Variants in SGCZ observed in about 807,000 individuals in gnomAD.
The protein encoded by SGCZ is sarcoglycan zeta, also known as zeta-sarcoglycan.
In SGCZ, 40 loss-of-function variants were observed where a neutral mutation model predicts 41.3. That is an observed-to-expected ratio of 0.97 (90% CI 0.75 to 1.26). The LOEUF (loss-of-function observed/expected upper bound fraction) is 1.26. Among genes scored for constraint, SGCZ ranks in the 50% most tolerant of loss-of-function variants. The probability of loss-of-function intolerance (pLI) is 0.00; values close to 1 mark genes in which losing one functional copy is unlikely to be tolerated. For missense variants in SGCZ, 552 were observed against 369.8 expected (o/e 1.49, Z -4.04); for synonymous variants, 206 against 137.5 (o/e 1.50, Z -3.49).
intron 3 of SGCZ, among the ~76,000 whole-genome samples, chr8:14,292,624 G>C (rs1204098015): frequency 6.6e-6 from 1 of 151,956 alleles, no homozygotes; most frequent in Admixed American, 6.6e-5. Flanking sequence ...AATATGGCCT[G>C]GTAATGTAGC....
At chr8:14,374,719 T>C (rs1451253077) in intron 2 of SGCZ, among the ~76,000 whole-genome samples, 1 of 152,076 alleles carries the variant, frequency 6.6e-6, no homozygotes, top group Non-Finnish European at 1.5e-5. Flanking sequence ...AGTCAGATAA[T>C]TGGTCTTTTT....
intron 5 of SGCZ, among the ~76,000 whole-genome samples, chr8:14,144,493 G>C (rs952036953): frequency 6.6e-6 from 1 of 152,180 alleles, no homozygotes; most frequent in Non-Finnish European, 1.5e-5. Flanking sequence ...ACTATGTTGA[G>C]GGCATTGGGT....
intron 1 of SGCZ, among the ~76,000 whole-genome samples, chr8:14,745,706 G>A (rs1799321472): frequency 1.3e-5 from 2 of 151,620 alleles, no homozygotes; most frequent in Admixed American, 6.6e-5. Context: ...ATATATATAT[G>A]GTATGAAATT....
At chr8:15,036,352 C>G (rs1268493107) in intron 1 of SGCZ, among the ~76,000 whole-genome samples, 1 of 151,986 alleles carries the variant, frequency 6.6e-6, no homozygotes, top group East Asian at 1.9e-4. Context: ...AAATGTCTCT[C>G]ATTGAACACA....
intron 2 of SGCZ, among the ~76,000 whole-genome samples, chr8:14,423,974 G>A (rs1272542528): frequency 1.3e-5 from 2 of 152,104 alleles, no homozygotes; most frequent in South Asian, 4.1e-4. Context: ...GAACTAAAGT[G>A]TTAATGACAG....
intron 2 of SGCZ, among the ~76,000 whole-genome samples, chr8:14,390,967 G>A (rs1585441987): frequency 6.6e-6 from 1 of 152,020 alleles, no homozygotes; most frequent in Non-Finnish European, 1.5e-5. Context: ...AGGTTGGGGG[G>A]ATATCCAATG....
At chr8:14,749,414 G>T (rs549456710) in intron 1 of SGCZ, among the ~76,000 whole-genome samples, 1 of 152,188 alleles carries the variant, frequency 6.6e-6, no homozygotes, top group Non-Finnish European at 1.5e-5. Flanking sequence ...ACTGATGTGT[G>T]TGGGGATGCG....
intron 1 of SGCZ, among the ~76,000 whole-genome samples, chr8:14,857,868 A>G (rs1803596304): frequency 6.6e-6 from 1 of 152,160 alleles, no homozygotes; most frequent in South Asian, 2.1e-4. Context: ...TCTGTCTCAA[A>G]CAAAAGAAAA....
At chr8:15,032,542 G>C (rs1803713721) in intron 1 of SGCZ, among the ~76,000 whole-genome samples, 1 of 152,074 alleles carries the variant, frequency 6.6e-6, no homozygotes, top group Non-Finnish European at 1.5e-5. Flanking sequence ...GGTCCACCCT[G>C]GTAGACCTAC....
At chr8:15,200,324 T>G (rs557736125) in intron 1 of SGCZ, among the ~76,000 whole-genome samples, 1 of 152,332 alleles carries the variant, frequency 6.6e-6, no homozygotes, top group South Asian at 2.1e-4. Flanking sequence ...ACAACCTCAT[T>G]AGAATTCTAC....
chr8:14,168,961 C>T (rs1256960412), intron 4 of SGCZ, among the ~76,000 whole-genome samples: 1 of 152,100 alleles, frequency 6.6e-6, no homozygotes, highest in Non-Finnish European at 1.5e-5. Context: ...GGGAGGTGAT[C>T]CCTATTTGAC....
At chr8:14,232,132 T>A (rs1457479795) in intron 4 of SGCZ, among the ~76,000 whole-genome samples, 1 of 32,614 alleles carries the variant, frequency 3.1e-5, no homozygotes, top group Non-Finnish European at 5.5e-5. Flanking sequence ...AAATCTTCTT[T>A]CATCATATAT....
At chr8:14,901,285 G>T (rs1007993276) in intron 1 of SGCZ, among the ~76,000 whole-genome samples, 2 of 152,114 alleles carry the variant, frequency 1.3e-5, no homozygotes, top group Admixed American at 1.3e-4. Flanking sequence ...GGTAACCACA[G>T]TTTTATTATG....
intron 2 of SGCZ, among the ~76,000 whole-genome samples, chr8:14,412,953 C>T (rs1206423437): frequency 4.6e-5 from 7 of 151,796 alleles, no homozygotes; most frequent in Admixed American, 1.3e-4. Flanking sequence ...AAAGTAAAAT[C>T]ATAACAAATA....
At chr8:15,218,406 G>A (rs1411251348) in intron 1 of SGCZ, among the ~76,000 whole-genome samples, 3 of 152,180 alleles carry the variant, frequency 2.0e-5, no homozygotes, top group African/African-American at 7.2e-5. Context: ...ACATCCCAAT[G>A]CATATTTTTA....
chr8:14,409,910 A>T (rs567909961), intron 2 of SGCZ, among the ~76,000 whole-genome samples: 1 of 152,254 alleles, frequency 6.6e-6, no homozygotes, highest in South Asian at 2.1e-4. Flanking sequence ...GGGAGGTAAA[A>T]ATGTCTTTGA....
At chr8:15,179,563 C>A (rs1292416354) in intron 1 of SGCZ, among the ~76,000 whole-genome samples, 1 of 152,060 alleles carries the variant, frequency 6.6e-6, no homozygotes, top group Non-Finnish European at 1.5e-5. Flanking sequence ...GAATAGTTTA[C>A]AATTCATGCT....
At chr8:15,017,706 A>G (rs899498873) in intron 1 of SGCZ, among the ~76,000 whole-genome samples, 1 of 151,982 alleles carries the variant, frequency 6.6e-6, no homozygotes, top group Non-Finnish European at 1.5e-5. Context: ...GGGTTTCACC[A>G]TGTTCCCCAA....
intron 2 of SGCZ, among the ~76,000 whole-genome samples, chr8:14,325,458 AT>A (rs907782538): frequency 1.5e-4 from 22 of 148,800 alleles, no homozygotes; most frequent in Non-Finnish European, 3.3e-4. Context: ...CCATTGTAAA[AT>A]TGGTTATATA....
Sources: allele counts gnomAD v4.1 joint callset (sites outside exome capture counted in the v4.1 genomes callset), GRCh38; gene constraint gnomAD v4.1.1; transcripts MANE v1.5; gene names NCBI Gene and HGNC (gene_info 2026-07-23, HGNC 2026-07-21).